The following ARMC2 variants were observed in gnomAD, a reference collection of about 807,000 sequenced individuals.
The protein encoded by ARMC2 is armadillo repeat containing 2.
Under a neutral mutation model 90.3 loss-of-function variants are expected in ARMC2, and 67 were observed. That is an observed-to-expected ratio of 0.74 (90% CI 0.61 to 0.91). ARMC2 has a LOEUF of 0.91. ARMC2 is among the 40% of genes least tolerant of loss of function. The probability of loss-of-function intolerance (pLI) is 0.00; values close to 1 mark genes in which losing one functional copy is unlikely to be tolerated. For synonymous variants in ARMC2, 393 were observed against 393.0 expected (o/e 1.00, Z 0.00); for missense variants, 920 against 1,030.9 (o/e 0.89, Z 1.47).
At chr6:108,985,464 C>T in the ARMC2 span, among the ~76,000 whole-genome samples, 1 of 152,156 alleles carries the variant, frequency 6.6e-6, no homozygotes, top group African/African-American at 2.4e-5. Context: ...ATTAGAAATC[C>T]TGTGTGTTTA....
At position 108,930,747 on chromosome 6, in the gene ARMC2, C is replaced by T. The variant is rs367817360; in HGVS notation, c.1496+2514C>T. On this transcript the variant is annotated intron_variant, in intron 11 of 17. Transcript: ENST00000392644. ...AAGTAGCTGGGACTACAGGCACCCA[C>T]ACCACGCCCAGCTAATTTTTTGTAT... 7.7e-4 allele frequency among the ~76,000 whole-genome samples: 117 copies of T among 151,872 alleles called. 2 individuals carry two copies. In the South Asian group the frequency reaches 0.024, roughly 31 times the overall value.
At chr6:108,951,201 G>T (rs192176095) in intron 12 of ARMC2, among the ~76,000 whole-genome samples, 1 of 152,296 alleles carries the variant, frequency 6.6e-6, no homozygotes, top group East Asian at 1.9e-4. Flanking sequence ...TTCACGTCTC[G>T]CTTCTTCCTT....
chr6:109,045,719 C>A, the ARMC2 span, among the ~76,000 whole-genome samples: 1 of 152,212 alleles, frequency 6.6e-6, no homozygotes, highest in African/African-American at 2.4e-5. Context: ...CCATCCAAAG[C>A]CTTTGCAGAA....
chr6:108,853,742 A>C (rs887813331), intron 1 of ARMC2, among the ~76,000 whole-genome samples: 1 of 152,216 alleles, frequency 6.6e-6, no homozygotes, highest in African/African-American at 2.4e-5. Flanking sequence ...ATTCAGTTAT[A>C]TCATGGACAA....
intron 1 of ARMC2, among the ~76,000 whole-genome samples, chr6:108,852,416 A>G (rs1222307736): frequency 1.3e-5 from 2 of 152,218 alleles, no homozygotes; most frequent in Admixed American, 1.3e-4. Flanking sequence ...ATTTTTGGTA[A>G]AAATTTGTAG....
intron 5 of ARMC2, among the ~76,000 whole-genome samples, chr6:108,877,829 T>C (rs1777086295): frequency 6.6e-6 from 1 of 152,250 alleles, no homozygotes; most frequent in South Asian, 2.1e-4. Context: ...TTTTCATTTA[T>C]ATATTTTATC....
At chr6:108,970,950 C>A (rs1290483328) in intron 17 of ARMC2, among the ~76,000 whole-genome samples, 2 of 152,114 alleles carry the variant, frequency 1.3e-5, no homozygotes, top group Non-Finnish European at 2.9e-5. Flanking sequence ...TGGCTGGGCG[C>A]TGTGGCTCAC....
chr6:109,022,052 T>G, the ARMC2 span, among the ~76,000 whole-genome samples: 1 of 152,100 alleles, frequency 6.6e-6, no homozygotes, highest in Non-Finnish European at 1.5e-5. Flanking sequence ...GCCAGGCATT[T>G]TTTTTTTTCC....
the ARMC2 span, among the ~76,000 whole-genome samples, chr6:108,989,425 A>T: frequency 2.3e-3 from 287 of 124,674 alleles, 1 homozygote; most frequent in African/African-American, 7.1e-3. Flanking sequence ...AGATCTAGAG[A>T]TATATATCTA....
At chr6:108,888,422 A>C (rs1393231164) in intron 5 of ARMC2, among the ~76,000 whole-genome samples, 1 of 152,214 alleles carries the variant, frequency 6.6e-6, no homozygotes, top group Non-Finnish European at 1.5e-5. Context: ...AAGTGGTCGG[A>C]CCATGGGATT....
chr6:108,938,209 C>T (rs979070556), intron 12 of ARMC2, among the ~76,000 whole-genome samples: 6 of 152,052 alleles, frequency 3.9e-5, no homozygotes, highest in Non-Finnish European at 5.9e-5. Context: ...TATATACTAA[C>T]AGTATTTTAA....
chr6:108,889,206 T>G (rs1051112532), intron 5 of ARMC2, among the ~76,000 whole-genome samples: 2 of 152,104 alleles, frequency 1.3e-5, no homozygotes, highest in African/African-American at 4.8e-5. Context: ...GAGTGAAGTG[T>G]GCAATCTCGG....
the ARMC2 span, among the ~76,000 whole-genome samples, chr6:108,991,294 T>C: frequency 6.6e-6 from 1 of 151,960 alleles, no homozygotes; most frequent in African/African-American, 2.4e-5. Context: ...CAGGCTAGAG[T>C]ACAATGGTAT....
intron 5 of ARMC2, among the ~76,000 whole-genome samples, chr6:108,882,923 C>T (rs1320739673): frequency 7.2e-5 from 11 of 152,184 alleles, no homozygotes; most frequent in Non-Finnish European, 1.3e-4. Flanking sequence ...GAAACAAATA[C>T]TTAAATCTGA....
At chr6:108,975,924 G>T (rs1267697017), downstream of ARMC2, among the ~76,000 whole-genome samples, 1 of 152,138 alleles carries the variant, frequency 6.6e-6, no homozygotes, top group East Asian at 1.9e-4. Context: ...TGGATAGACT[G>T]CAAAAATTTT....
intron 11 of ARMC2, among the ~76,000 whole-genome samples, chr6:108,929,924 A>G (rs987114089): frequency 2.0e-5 from 3 of 152,142 alleles, no homozygotes; most frequent in Non-Finnish European, 4.4e-5. Context: ...CCTGGGCAAC[A>G]TGGCGAAATC....
At chr6:108,980,038 C>G in the ARMC2 span, among the ~76,000 whole-genome samples, 1 of 151,960 alleles carries the variant, frequency 6.6e-6, no homozygotes, top group East Asian at 1.9e-4. Flanking sequence ...CCCTTGCTGG[C>G]AAGGAGTCGT....
chr6:108,990,891 T>C, the ARMC2 span: 2 of 1,432,072 alleles, frequency 1.4e-6, no homozygotes, highest in Non-Finnish European at 9.7e-7. Context: ...CAGTTCTATA[T>C]CTATAGCTCT....
intron 10 of ARMC2, among the ~76,000 whole-genome samples, chr6:108,927,672 A>G (rs2128486017): frequency 6.6e-6 from 1 of 151,892 alleles, no homozygotes; most frequent in South Asian, 2.1e-4. Flanking sequence ...GCTATTTATA[A>G]AAGCATAGAA....
Sources: allele counts gnomAD v4.1 joint callset (sites outside exome capture counted in the v4.1 genomes callset), GRCh38; gene constraint gnomAD v4.1.1; transcripts MANE v1.5; gene names NCBI Gene and HGNC (gene_info 2026-07-23, HGNC 2026-07-21).